Variants in NAA11 observed in about 807,000 individuals in gnomAD.
NAA11 encodes N-alpha-acetyltransferase 11, NatA catalytic subunit.
In NAA11, 15 loss-of-function variants were observed where a neutral mutation model predicts 16.1. The ratio of observed to expected loss-of-function variants is 0.93; its 90% CI spans 0.62 to 1.44. NAA11 has a LOEUF of 1.44. Among genes scored for constraint, NAA11 ranks in the 40% most tolerant of loss-of-function variants. NAA11 has a pLI of 0.00. For missense variants in NAA11, 298 were observed against 291.3 expected (o/e 1.02, Z -0.17); for synonymous variants, 122 against 112.4 (o/e 1.09, Z -0.54).
intron 2 of NAA11, among the ~76,000 whole-genome samples, chr4:79,268,116 T>C (rs1722392140): frequency 6.6e-6 from 1 of 152,160 alleles, no homozygotes; most frequent in South Asian, 2.1e-4. Context: ...TGTGGAGCAT[T>C]GATGAATCTG....
intron 1 of NAA11, chr4:79,308,250 A>G (rs963290509): frequency 6.6e-6 from 1 of 152,236 alleles, no homozygotes; most frequent in African/African-American, 2.4e-5. Flanking sequence ...TTGCACTAAC[A>G]TTAGCTTCTC....
the NAA11 span, among the ~76,000 whole-genome samples, chr4:79,190,186 A>C: frequency 6.6e-6 from 1 of 152,220 alleles, no homozygotes; most frequent in Non-Finnish European, 1.5e-5. Context: ...GAAACTTGAA[A>C]GTTATTCTTC....
the NAA11 span, among the ~76,000 whole-genome samples, chr4:79,156,899 A>C: frequency 2.6e-5 from 4 of 152,352 alleles, no homozygotes; most frequent in East Asian, 7.7e-4. Context: ...AAAAGAATTT[A>C]GCTCAGAAAT....
chr4:79,259,767 G>C (rs995674873), intron 2 of NAA11, among the ~76,000 whole-genome samples: 2 of 152,158 alleles, frequency 1.3e-5, no homozygotes, highest in African/African-American at 4.8e-5. Flanking sequence ...CTCATAGTTA[G>C]GAATATTTAG....
At chr4:79,279,428 C>T (rs915917380) in intron 2 of NAA11, among the ~76,000 whole-genome samples, 1 of 152,052 alleles carries the variant, frequency 6.6e-6, no homozygotes, top group African/African-American at 2.4e-5. Context: ...CTGCTAAACA[C>T]AACTAGAAAT....
chr4:79,300,022 T>C (rs1450406800), intron 1 of NAA11, among the ~76,000 whole-genome samples: 1 of 152,234 alleles, frequency 6.6e-6, no homozygotes, highest in Non-Finnish European at 1.5e-5. Context: ...TGTCATGCTT[T>C]AACATGCCCA....
At chr4:79,224,069 T>C (rs1721258652), downstream of NAA11, among the ~76,000 whole-genome samples, 1 of 152,122 alleles carries the variant, frequency 6.6e-6, no homozygotes. Context: ...CACTTTGAGG[T>C]TGCACATACA....
rs558413914 is a variant in NAA11, at chr4:79,284,878, CAAAAAAAAAAAAAAA to C, written c.*122+9112_*122+9126del. ...TGGGCGACAGAGCGAGACTCCGTCT[CAAAAAAAAAAAAAAA>C]AAAAAAAAAAAAGAATGATTGAGGT... is the stretch of plus-strand genomic sequence containing the variant. On this transcript the variant is annotated intron_variant and NMD_transcript_variant, in intron 2 of 2. Transcript: ENST00000511542. Among the ~76,000 whole-genome samples the C allele has an allele frequency of 9.7e-4, 5 of 5,146 alleles. 2 individuals carry two copies. The highest frequency in any genetic ancestry group is 1.4e-3 in the Non-Finnish European group (4 of 2,864). The allele number at this position is 5,146 out of a possible 152,430, so 3.4% of individuals were successfully genotyped here.
chr4:79,210,379 A>G, the NAA11 span, among the ~76,000 whole-genome samples: 1 of 152,148 alleles, frequency 6.6e-6, no homozygotes, highest in African/African-American at 2.4e-5. Flanking sequence ...AAGGCTGGCT[A>G]ATCAGCTAAG....
chr4:79,295,828 ATTGAG>A (rs1256672195), intron 1 of NAA11, among the ~76,000 whole-genome samples: 2 of 152,328 alleles, frequency 1.3e-5, no homozygotes, highest in East Asian at 1.9e-4. Flanking sequence ...TGCAGAACAG[ATTGAG>A]TTATTATAAC....
chr4:79,166,822 C>T, the NAA11 span, among the ~76,000 whole-genome samples: 4 of 148,804 alleles, frequency 2.7e-5, no homozygotes, highest in Admixed American at 2.7e-4. Context: ...TGAGGCAGGA[C>T]ACCCCACTGC....
the NAA11 span, among the ~76,000 whole-genome samples, chr4:79,164,603 T>C: frequency 6.6e-6 from 1 of 152,152 alleles, no homozygotes; most frequent in Non-Finnish European, 1.5e-5. Flanking sequence ...AGCTTGGCTC[T>C]CAACTGGTGA....
chr4:79,183,780 T>C, the NAA11 span, among the ~76,000 whole-genome samples: 2 of 152,300 alleles, frequency 1.3e-5, no homozygotes, highest in Non-Finnish European at 2.9e-5. Flanking sequence ...ATACGATCTA[T>C]TTTATGCTAT....
At chr4:79,228,608 C>T (rs959377068) in intron 2 of NAA11, among the ~76,000 whole-genome samples, 9 of 151,714 alleles carry the variant, frequency 5.9e-5, no homozygotes, top group African/African-American at 2.2e-4. Context: ...CAGGGTAATG[C>T]ATTAAGATTT....
chr4:79,159,952 T>C, the NAA11 span, among the ~76,000 whole-genome samples: 1 of 152,034 alleles, frequency 6.6e-6, no homozygotes, highest in Non-Finnish European at 1.5e-5. Flanking sequence ...TATTAGATAT[T>C]TTTGTTCATC....
the NAA11 span, among the ~76,000 whole-genome samples, chr4:79,192,914 G>A: frequency 1.3e-5 from 2 of 151,798 alleles, no homozygotes; most frequent in Admixed American, 6.6e-5. Context: ...TTTAATGATC[G>A]CCATTCTAAC....
At chr4:79,257,083 A>T (rs1722130990) in intron 2 of NAA11, among the ~76,000 whole-genome samples, 1 of 152,148 alleles carries the variant, frequency 6.6e-6, no homozygotes, top group Non-Finnish European at 1.5e-5. Context: ...TGTTAATGAA[A>T]TATTTTCTTT....
At chr4:79,157,277 CAA>C in the NAA11 span, among the ~76,000 whole-genome samples, 4 of 152,052 alleles carry the variant, frequency 2.6e-5, no homozygotes, top group African/African-American at 9.7e-5. Flanking sequence ...CCTAAGTCCC[CAA>C]AGTCCATTGT....
chr4:79,187,693 C>G, the NAA11 span, among the ~76,000 whole-genome samples: 2 of 152,100 alleles, frequency 1.3e-5, no homozygotes, highest in Non-Finnish European at 2.9e-5. Context: ...GTTTAGCAAA[C>G]TGAACTTGCT....
Sources: gnomAD v4.1 joint callset for allele counts (sites outside exome capture counted in the v4.1 genomes callset) on GRCh38, gnomAD v4.1.1 for gene constraint, MANE v1.5 for transcripts, NCBI Gene and HGNC (gene_info 2026-07-23, HGNC 2026-07-21) for gene names.